The following TTN variants were observed in gnomAD, a reference collection of about 807,000 sequenced individuals.
TTN encodes the protein connectin.
Under a neutral mutation model 3,223.0 loss-of-function variants are expected in TTN, and 1,525 were observed. The ratio of observed to expected loss-of-function variants is 0.47; its 90% CI spans 0.45 to 0.49. The LOEUF (loss-of-function observed/expected upper bound fraction) is 0.49. Ranked by LOEUF, TTN falls within the 20% of genes least tolerant of loss-of-function variation. TTN has a pLI of 0.00. For missense variants in TTN, 40,786 were observed against 43,424.0 expected, an observed-to-expected ratio of 0.94 and a Z score of 5.40; for synonymous variants, 14,094 against 15,161.0, an observed-to-expected ratio of 0.93 and a Z score of 5.17.
rs757569927 is a variant in TTN, at chr2:178,617,309, TA to T, written c.47760+15del. The T allele has an allele frequency of 6.4e-7, 1 of 1,552,184 alleles. No homozygotes were observed. The highest frequency in any genetic ancestry group is 1.4e-5 in the African/African-American group (1 of 72,372). On this transcript the variant is annotated intron_variant, in intron 254 of 362. Transcript: ENST00000589042. ...GATCCACATTGAATATTCTTTTTTA[TA>T]TGCAAATGACCTACCTTGTAAGTCA...
chr2:178,581,716 G>A lies in TTN; in HGVS notation c.66552C>T (p.Gly22184=), dbSNP rs146502705. 5.6e-6 allele frequency: 9 copies of A among 1,610,470 alleles called. No individual in the cohort carries two copies. The highest frequency in any genetic ancestry group is 2.7e-5 in the African/African-American group (2 of 74,962). The change falls in exon 316 of 363, where the codon GGC becomes GGT. Residue 22184 remains glycine (G), a synonymous_variant. Transcript: ENST00000589042. ...CGAGATAACCAATGATAGGGCTGCC[G>A]CCGTCATAGGCTGGCTTGCCCCAAG... ...SLSWGKPAYD[G]GSPIIGYLVE... is the part of the protein sequence containing the mutation.
At chr2:178,669,145 TC>T (rs2066508848) in intron 159 of TTN, among the ~76,000 whole-genome samples, 1 of 152,210 alleles carries the variant, frequency 6.6e-6, no homozygotes, top group Non-Finnish European at 1.5e-5. Context: ...AACTGACTTT[TC>T]TGAAATCATA....
At position 178,571,569 on chromosome 2, in the gene TTN, T is replaced by A; in HGVS notation, c.74563A>T (p.Thr24855Ser). 6.2e-7 allele frequency: 1 copy of A among 1,613,278 alleles called. No homozygotes were observed. Among genetic ancestry groups the A allele is most frequent in the East Asian group, 2.2e-5 (1 of 44,682 alleles). Residue 24855 changes from threonine (T) to serine (S), a missense_variant, in exon 326 of 363, where the codon ACC (threonine) becomes TCC (serine). Physicochemically the swap from Thr to Ser is moderately conservative, Grantham distance 58. Transcript: ENST00000589042. Reference sequence around the variant, plus strand: ...ACTGTAGCTGATACAATTTGCCAGGTGGTTGTGGAAGTGTCCCGTTTCTCA... The same window carrying A: ...ACTGTAGCTGATACAATTTGCCAGGAGGTTGTGGAAGTGTCCCGTTTCTCA... Reference protein sequence around the residue: ...IVEKRDTSTTTWQIVSATVAR... With the variant: ...IVEKRDTSTTSWQIVSATVAR...
chr2:178,788,810 G>A (rs1447265474), intron 13 of TTN, among the ~76,000 whole-genome samples: 2 of 151,952 alleles, frequency 1.3e-5, no homozygotes, highest in Non-Finnish European at 2.9e-5. Flanking sequence ...ATCTTGTTTA[G>A]CTTTAGTGGG....
chr2:178,581,712 T>C lies in TTN; in HGVS notation c.66556A>G (p.Ser22186Gly). 1 of 1,611,220 alleles carries C rather than the reference T, an allele frequency of 6.2e-7. No individual in the cohort carries two copies. The highest frequency in any genetic ancestry group is 8.5e-7 in the Non-Finnish European group (1 of 1,178,604). ...TCAACGAGATAACCAATGATAGGGC[T>C]GCCGCCGTCATAGGCTGGCTTGCCC... ...SWGKPAYDGGSPIIGYLVEVK... is the reference protein window; with the variant it reads ...SWGKPAYDGGGPIIGYLVEVK... The change falls in exon 316 of 363, where the codon AGC (serine) becomes GGC (glycine). Residue 22186 changes from serine to glycine, a missense_variant. Transcript: ENST00000589042.
In TTN at chr2:178,707,596, C is replaced by T. The variant is rs370903846; in HGVS notation, c.28971G>A (p.Ser9657=). The change falls in exon 100 of 363, where the codon TCG becomes TCA. Residue 9657 remains serine (S), a synonymous_variant. Transcript: ENST00000589042. ...LELRDVAKAD[S]GDYVCKASNV... The stretch of plus-strand genomic sequence containing the variant: ...TTGAAGCTTTACACACATAATCTCC[C>T]GAATCTGCTTTAGCCACATCTCTGA... 50 of 1,613,842 alleles carry T rather than the reference C, an allele frequency of 3.1e-5. No individual in the cohort carries two copies. The highest frequency in any genetic ancestry group is 1.4e-4 in the South Asian group (13 of 91,078).
rs765062133 is a variant in TTN, at chr2:178,685,539, C to T, written c.32371G>A (p.Val10791Met). The change falls in exon 128 of 363, where the codon GTG (valine) becomes ATG (methionine). Residue 10791 changes from valine to methionine, a missense_variant. Coordinates refer to ENST00000589042, the MANE Select transcript of TTN (RefSeq NM_001267550.2). ...EEKLHIISKR[V>M]EAEPAEVTER... Reference sequence around the variant, plus strand: ...ATACCTTCAGCTGGCTCAGCTTCCACTCTCTTAGAAATAATGTGCAGCTTT... The same window carrying T: ...ATACCTTCAGCTGGCTCAGCTTCCATTCTCTTAGAAATAATGTGCAGCTTT... 3 of 1,613,444 alleles carry T rather than the reference C, an allele frequency of 1.9e-6. No individual in the cohort carries two copies. In the South Asian group the frequency reaches 3.3e-5, roughly 18 times the overall value.
chr2:178,545,844 G>C lies in TTN; in HGVS notation c.95392C>G (p.Pro31798Ala). ...YGPGVPVESE[P>A]IVARNSFTIP... Reference sequence around the variant, plus strand: ...CTGAATGAGTTTCTGGCTACAATTGGCTCTGATTCAACAGGCACACCAGGG... The same window carrying C: ...CTGAATGAGTTTCTGGCTACAATTGCCTCTGATTCAACAGGCACACCAGGG... The change falls in exon 343 of 363, where the codon CCA (proline) becomes GCA (alanine). Residue 31798 changes from proline to alanine, a missense_variant. By Grantham distance (27) the Pro-to-Ala change is conservative. Coordinates refer to ENST00000589042, the MANE Select transcript of TTN (RefSeq NM_001267550.2). The C allele has an allele frequency of 6.2e-7, 1 of 1,613,556 alleles. No homozygotes were observed. The highest frequency in any genetic ancestry group is 8.5e-7 in the Non-Finnish European group (1 of 1,179,604).
In TTN at chr2:178,588,801, A is replaced by G. The variant is rs758558735; in HGVS notation, c.62924T>C (p.Val20975Ala). ...GRPDPPEVTK[V>A]SKEEMTVVWN... ...AACCACAGTCATCTCTTCTTTGCTT[A>G]CTTTAGTGACTTCTGGGGGATCAGG... Residue 20975 changes from valine to alanine, a missense_variant, in exon 304 of 363, where the codon GTA (valine) becomes GCA (alanine). Coordinates refer to ENST00000589042, the MANE Select transcript of TTN (RefSeq NM_001267550.2). 1 of 1,613,288 alleles carries G rather than the reference A, an allele frequency of 6.2e-7. No homozygotes were observed. Among genetic ancestry groups the G allele is most frequent in the Non-Finnish European group, 8.5e-7 (1 of 1,179,552 alleles).
chr2:178,730,070 G>T lies in TTN; in HGVS notation c.18307+23C>A, dbSNP rs762751682. On this transcript the variant is annotated intron_variant, in intron 62 of 362. Coordinates refer to ENST00000589042, the MANE Select transcript of TTN (RefSeq NM_001267550.2). ...CAAGAAAATCTAGACAAGCAAGAAA[G>T]TGAGGAGATGTAGAGACCAGACCTT... 3.6e-5 allele frequency: 46 copies of T among 1,272,788 alleles called. 2 individuals carry two copies. The South Asian group carries it at 5.4e-4, about 15-fold the overall frequency. The allele number at this position is 1,272,788 out of a possible 1,614,324, so 78.8% of individuals were successfully genotyped here. A position where few individuals can be genotyped will look rare whatever the true frequency, so the allele number is the denominator to read the frequency against.
chr2:178,667,225 G>A lies in TTN; in HGVS notation c.35797+11C>T. ...TTTCTTCTTTAGATTTTCCTAACTA[G>A]AGAATTATACCTTCAGTTGGAGGAT... On this transcript the variant is annotated intron_variant, in intron 162 of 362. Coordinates refer to ENST00000589042, the MANE Select transcript of TTN (RefSeq NM_001267550.2). 6.3e-7 allele frequency: 1 copy of A among 1,584,568 alleles called. No homozygotes were observed. The highest frequency in any genetic ancestry group is 1.2e-5 in the South Asian group (1 of 86,398).
chr2:178,574,641 CAGG>C lies in TTN; in HGVS notation c.71488_71490del (p.Pro23830del). 1 of 1,612,864 alleles carries C rather than the reference CAGG, an allele frequency of 6.2e-7. No homozygotes were observed. The highest frequency in any genetic ancestry group is 8.5e-7 in the Non-Finnish European group (1 of 1,179,366). Reference sequence around the variant, plus strand: ...GTAACTGCAGTTACCTGAGGGGTACCAGGAGGTCCAGGAACCTTAAATGGATAG... The same window carrying C: ...GTAACTGCAGTTACCTGAGGGGTACCAGGTCCAGGAACCTTAAATGGATAG... On this transcript the variant is annotated inframe_deletion, in exon 326 of 363. Transcript: ENST00000589042.
intron 127 of TTN, among the ~76,000 whole-genome samples, 198 bp downstream of exon 127, chr2:178,687,913 T>C (rs1214972159): frequency 1.3e-5 from 2 of 152,164 alleles, no homozygotes; most frequent in Admixed American, 6.5e-5. Context: ...GCAGAAGAAA[T>C]ACACTGGATT....
chr2:178,678,771 T>G lies in TTN; in HGVS notation c.33802A>C (p.Lys11268Gln). The part of the protein sequence containing the change: ...EEKVPVPVPK[K>Q]VEAPPAKVPE... ...CCTTTGGCAGGTGGAGCTTCCACCT[T>G]TTTAGGAACTGGTACTGGTACTTTC... Residue 11268 changes from lysine (K) to glutamine (Q), a missense_variant, in exon 143 of 363, where the codon AAG becomes CAG. Lys to Gln is a moderately conservative substitution (Grantham distance 53, BLOSUM62 1). Transcript: ENST00000589042. 6.2e-7 allele frequency: 1 copy of G among 1,603,482 alleles called. No homozygotes were observed.
intron 90 of TTN, among the ~76,000 whole-genome samples, 187 bp downstream of exon 90, chr2:178,714,799 T>C (rs1433911470): frequency 6.6e-6 from 1 of 152,020 alleles, no homozygotes; most frequent in Non-Finnish European, 1.5e-5. Flanking sequence ...AATTACAACA[T>C]TATCTAAAAG....
In TTN at chr2:178,588,686, G is replaced by T. The variant is rs2154183276; in HGVS notation, c.63039C>A (p.Val21013=). ...GTCTCTCAGGGATTGCACTCTTGTT[G>T]ACAGGGACCCATCGTGTTGAATGCT... ...KEKHSTRWVP[V]NKSAIPERRM... is the part of the protein sequence containing the mutation. Residue 21013 remains valine (V), a synonymous_variant, in exon 304 of 363, where the codon GTC becomes GTA. Coordinates refer to ENST00000589042, the MANE Select transcript of TTN (RefSeq NM_001267550.2). 6.2e-7 allele frequency: 1 copy of T among 1,613,146 alleles called. No individual in the cohort carries two copies. Among genetic ancestry groups the T allele is most frequent in the Non-Finnish European group, 8.5e-7 (1 of 1,179,436 alleles).
chr2:178,535,274 T>C lies in TTN; in HGVS notation c.101341A>G (p.Ile33781Val), dbSNP rs1029128193. 3 of 1,613,960 alleles carry C rather than the reference T, an allele frequency of 1.9e-6. No individual in the cohort carries two copies. Among genetic ancestry groups the C allele is most frequent in the Non-Finnish European group, 2.5e-6 (3 of 1,179,862 alleles). ...SKPSEPSEPT[I>V]TKEDKTRAMN... The stretch of plus-strand genomic sequence containing the variant: ...GCTCTGGTCTTATCTTCTTTGGTTA[T>C]GGTTGGTTCTGAAGGCTCTGAAGGC... Residue 33781 changes from isoleucine (I) to valine (V), a missense_variant, in exon 358 of 363, where the codon ATA becomes GTA. By Grantham distance (29) the Ile-to-Val change is conservative. Transcript: ENST00000589042.
chr2:178,714,919 G>A (rs2077239397), intron 90 of TTN, 67 bp downstream of exon 90: 2 of 1,537,510 alleles, frequency 1.3e-6, no homozygotes, highest in African/African-American at 1.4e-5. Flanking sequence ...GGCTGGGGTG[G>A]AGGGGGCAAC....
At position 178,558,451 on chromosome 2, in the gene TTN, G is replaced by A. The variant is rs754378461; in HGVS notation, c.87008C>T (p.Ser29003Phe). The stretch of plus-strand genomic sequence containing the variant: ...GTATTCAGAATTCTCTCTCAGACCG[G>A]AAACAACGTGATGGGTTGACTTTGC... ...AVAKSTHHVV[S>F]GLRENSEYFF... is the part of the protein sequence containing the mutation. Residue 29003 changes from serine to phenylalanine, a missense_variant, in exon 327 of 363, where the codon TCC becomes TTC. Physicochemically the swap from Ser to Phe is radical, Grantham distance 155 (BLOSUM62 -2). Coordinates refer to ENST00000589042, the MANE Select transcript of TTN (RefSeq NM_001267550.2). 3 of 1,613,770 alleles carry A rather than the reference G, an allele frequency of 1.9e-6. No individual in the cohort carries two copies. Among genetic ancestry groups the A allele is most frequent in the Admixed American group, 1.7e-5 (1 of 59,994 alleles).
Sources: allele counts gnomAD v4.1 joint callset (sites outside exome capture counted in the v4.1 genomes callset), GRCh38; gene constraint gnomAD v4.1.1; transcripts MANE v1.5; gene names NCBI Gene and HGNC (gene_info 2026-07-23, HGNC 2026-07-21).